Variants in SUCLG2 observed in about 807,000 individuals in gnomAD.
The protein encoded by SUCLG2 is succinate-CoA ligase GDP-forming subunit beta, also known as succinate--CoA ligase [GDP-forming] subunit beta, mitochondrial.
SUCLG2 carries 42 observed loss-of-function variants against 47.9 expected under a neutral mutation model. The ratio of observed to expected loss-of-function variants is 0.88; its 90% CI spans 0.69 to 1.14. The LOEUF (loss-of-function observed/expected upper bound fraction) is 1.14, where lower values mean the gene tolerates loss of function less well. Ranked by LOEUF, SUCLG2 falls within the 50% of genes most tolerant of loss-of-function variation. The pLI is 0.00. For missense variants in SUCLG2, 571 were observed against 525.9 expected (o/e 1.09, Z -0.84); for synonymous variants, 195 against 197.3 (o/e 0.99, Z 0.10).
chr3:67,524,544 A>C lies in SUCLG2; in HGVS notation c.417+3588T>G, dbSNP rs1022639670. Among the ~76,000 whole-genome samples the C allele has an allele frequency of 1.5e-4, 23 of 152,204 alleles. 1 individual carries two copies. The highest frequency in any genetic ancestry group is 9.8e-4 in the Admixed American group (15 of 15,284). On this transcript the variant is annotated intron_variant, in intron 4 of 10. Transcript: ENST00000307227. ...TACTAGCCCCAGGAATACATAACACATTGGCACAGACTTAGAAAACAAATA... is the reference window on the plus strand; with the variant it reads ...TACTAGCCCCAGGAATACATAACACCTTGGCACAGACTTAGAAAACAAATA...
At chr3:67,529,568 G>C (rs1273430200) in intron 2 of SUCLG2, among the ~76,000 whole-genome samples, 1 of 152,172 alleles carries the variant, frequency 6.6e-6, no homozygotes, top group Non-Finnish European at 1.5e-5. Flanking sequence ...AGTAAGAGGA[G>C]CTAACCATCA....
chr3:67,414,120 T>G (rs1030133364), intron 9 of SUCLG2, among the ~76,000 whole-genome samples: 10 of 152,234 alleles, frequency 6.6e-5, no homozygotes, highest in Non-Finnish European at 8.8e-5. Flanking sequence ...CTGGATGGTC[T>G]TCTGTGTTGC....
At chr3:67,392,652 T>G (rs987737658) in intron 10 of SUCLG2, among the ~76,000 whole-genome samples, 16 of 152,202 alleles carry the variant, frequency 1.1e-4, no homozygotes, top group Admixed American at 6.5e-5. Flanking sequence ...AGAGGGGTGC[T>G]CCTTAAGGTA....
chr3:67,581,832 T>C (rs977130074), intron 2 of SUCLG2, among the ~76,000 whole-genome samples: 2 of 152,210 alleles, frequency 1.3e-5, no homozygotes, highest in Admixed American at 6.5e-5. Flanking sequence ...AGGCAACTTA[T>C]AGGATTCAGT....
Position 67,636,497 on chromosome 3 carries a change from C to T in SUCLG2, c.84+18006G>A, listed in dbSNP as rs1041268434. 7.9e-5 allele frequency among the ~76,000 whole-genome samples: 12 copies of T among 151,972 alleles called. No homozygotes were observed. In the East Asian group the frequency reaches 1.6e-3, roughly 20 times the overall value. ...CCTCCCGAGTAGCTGGGACTACAGG[C>T]GCCCGCCACTGCACCCGGCTAATTT... On this transcript the variant is annotated intron_variant, in intron 1 of 10. Coordinates refer to ENST00000307227, the MANE Select transcript of SUCLG2 (RefSeq NM_003848.4).
At chr3:67,391,321 A>G (rs368987557) in intron 10 of SUCLG2, among the ~76,000 whole-genome samples, 2 of 152,162 alleles carry the variant, frequency 1.3e-5, no homozygotes, top group East Asian at 1.9e-4. Flanking sequence ...TGGAGCCACA[A>G]ATAGAAGAGT....
intron 1 of SUCLG2, among the ~76,000 whole-genome samples, chr3:67,622,680 A>G (rs1700755769): frequency 1.3e-5 from 2 of 152,222 alleles, no homozygotes; most frequent in African/African-American, 2.4e-5. Context: ...AGCTAGAAAA[A>G]GAAAAAAAAT....
At position 67,528,198 on chromosome 3, in the gene SUCLG2, A is replaced by G; in HGVS notation, c.351T>C (p.Ala117=). 1 of 1,613,918 alleles carries G rather than the reference A, an allele frequency of 6.2e-7. No homozygotes were observed. Among genetic ancestry groups the G allele is most frequent in the Non-Finnish European group, 8.5e-7 (1 of 1,179,864 alleles). ...TKDPNVVGQL[A]KQMIGYNLAT... ...CTAGATTGTACCCAATCATCTGTTT[A>G]GCCAGCTGTCCCACAACATTAGGGC... The change falls in exon 4 of 11, where the codon GCT becomes GCC. Residue 117 remains alanine (A), a synonymous_variant. Coordinates refer to ENST00000307227, the MANE Select transcript of SUCLG2 (RefSeq NM_003848.4).
intron 1 of SUCLG2, among the ~76,000 whole-genome samples, chr3:67,653,195 C>CGTAGA (rs1218580399): frequency 6.6e-6 from 1 of 152,222 alleles, no homozygotes; most frequent in African/African-American, 2.4e-5. Context: ...TTCAAGTCTA[C>CGTAGA]ACTCATGGTA....
chr3:67,618,190 G>T (rs150856615), intron 1 of SUCLG2, among the ~76,000 whole-genome samples: 98 of 152,250 alleles, frequency 6.4e-4, no homozygotes, highest in African/African-American at 2.1e-3. Context: ...GGGAGGCCAA[G>T]GTGGGTAGAT....
At chr3:67,568,447 C>T (rs566263563) in intron 2 of SUCLG2, among the ~76,000 whole-genome samples, 3 of 152,244 alleles carry the variant, frequency 2.0e-5, no homozygotes, top group Admixed American at 6.5e-5. Flanking sequence ...AGAGAGAAAA[C>T]GTGAGAAAAT....
intron 1 of SUCLG2, among the ~76,000 whole-genome samples, chr3:67,627,217 A>C (rs1377875971): frequency 6.6e-6 from 1 of 152,056 alleles, no homozygotes; most frequent in African/African-American, 2.4e-5. Flanking sequence ...AATCTACTTA[A>C]CTATATTTAG....
chr3:67,531,461 T>C (rs1706402109), intron 2 of SUCLG2, among the ~76,000 whole-genome samples: 1 of 152,230 alleles, frequency 6.6e-6, no homozygotes, highest in Non-Finnish European at 1.5e-5. Flanking sequence ...AGATCAGCTT[T>C]AGTCACTAAC....
At chr3:67,506,331 A>G (rs562309559) in intron 7 of SUCLG2, among the ~76,000 whole-genome samples, 16 of 152,344 alleles carry the variant, frequency 1.1e-4, no homozygotes, top group African/African-American at 3.6e-4. Context: ...ATAAACCAAC[A>G]TACTCATTTA....
At position 67,412,742 on chromosome 3, in the gene SUCLG2, G is replaced by A. The variant is rs114037127; in HGVS notation, c.1063-11891C>T. 4.2e-3 allele frequency among the ~76,000 whole-genome samples: 646 copies of A among 152,250 alleles called. 4 individuals are homozygous for A. The highest frequency in any genetic ancestry group is 0.015 in the African/African-American group (621 of 41,546). On this transcript the variant is annotated intron_variant, in intron 9 of 10. Transcript: ENST00000307227. ...TCTCTCTCAGCATTGGGACAGAAGC[G>A]ATCCCACGCTGCCAGCCCCAGGTTC...
intron 10 of SUCLG2, among the ~76,000 whole-genome samples, chr3:67,382,428 G>A (rs1482048919): frequency 2.6e-5 from 4 of 152,188 alleles, no homozygotes; most frequent in Admixed American, 2.6e-4. Flanking sequence ...GCCCAGAGAT[G>A]TCAGACAATT....
chr3:67,643,441 T>C (rs922751264), intron 1 of SUCLG2, among the ~76,000 whole-genome samples: 6 of 152,178 alleles, frequency 3.9e-5, no homozygotes, highest in East Asian at 3.9e-4. Context: ...CTTAAAACTC[T>C]TGTTTACATC....
intron 10 of SUCLG2, among the ~76,000 whole-genome samples, chr3:67,387,717 T>C (rs1234887980): frequency 6.6e-6 from 1 of 152,210 alleles, no homozygotes; most frequent in Non-Finnish European, 1.5e-5. Flanking sequence ...TTTTCCTTAA[T>C]ATTCTCTGCT....
intron 6 of SUCLG2, among the ~76,000 whole-genome samples, chr3:67,514,547 C>T (rs1705889230): frequency 6.6e-6 from 1 of 152,166 alleles, no homozygotes; most frequent in East Asian, 1.9e-4. Context: ...CAGCCTAAAC[C>T]TTAGAGGCAC....
Sources: gnomAD v4.1 joint callset for allele counts (sites outside exome capture counted in the v4.1 genomes callset) on GRCh38, gnomAD v4.1.1 for gene constraint, MANE v1.5 for transcripts, NCBI Gene and HGNC (gene_info 2026-07-23, HGNC 2026-07-21) for gene names.